Variants in ABHD14B observed in about 807,000 individuals in gnomAD.
The protein encoded by ABHD14B is putative protein-lysine deacylase ABHD14B.
ABHD14B carries 19 observed loss-of-function variants against 15.4 expected under a neutral mutation model. The observed-to-expected ratio is 1.23, with a 90% CI of 0.86 to 1.81. ABHD14B has a LOEUF of 1.81. Ranked by LOEUF, ABHD14B falls within the 40% of genes most tolerant of loss-of-function variation. ABHD14B has a pLI of 0.00. For synonymous variants in ABHD14B, 92 were observed against 117.3 expected (o/e 0.78, Z 1.39); for missense variants, 243 against 267.0 (o/e 0.91, Z 0.63).
At chr3:51,971,414 A>G (rs2106798520) in intron 2 of ABHD14B, 46 bp downstream of exon 2, 1 of 1,485,974 alleles carries the variant, frequency 6.7e-7, no homozygotes, top group South Asian at 1.4e-5. Flanking sequence ...CCCTGTCCCT[A>G]ATGAGACCTC....
chr3:51,974,140 A>G (rs1212664004), upstream of ABHD14B: 2 of 976,140 alleles, frequency 2.0e-6, no homozygotes, highest in Non-Finnish European at 2.7e-6. Context: ...AGACTCCGCT[A>G]AACTCGTTCT....
At chr3:51,973,870 G>A (rs911872470) in intron 1 of ABHD14B, 95 bp downstream of exon 1, 1 of 1,289,824 alleles carries the variant, frequency 7.8e-7, no homozygotes, top group South Asian at 1.2e-5. Flanking sequence ...AACTCCCAAG[G>A]AGGGGACCCA....
At chr3:51,970,497 G>A (rs1700634416) in intron 2 of ABHD14B, 4 of 583,110 alleles carry the variant, frequency 6.9e-6, no homozygotes, top group Admixed American at 4.4e-5. Flanking sequence ...CCTTGGGTAG[G>A]TCCCCCTCAG....
At chr3:51,971,737 ACC>A in intron 1 of ABHD14B, 39 bp from the exon 2 acceptor site, 3 of 1,568,588 alleles carry the variant, frequency 1.9e-6, no homozygotes, top group Non-Finnish European at 2.6e-6. Flanking sequence ...GCCACAGAAC[ACC>A]CTGCCCAGGG....
intron 1 of ABHD14B, chr3:51,973,724 G>A: frequency 1.3e-6 from 1 of 782,098 alleles, no homozygotes; most frequent in South Asian, 1.5e-5. Context: ...TGGGAAAGGC[G>A]ACCCGCCGGG....
At chr3:51,970,651 G>A (rs1233516858) in intron 2 of ABHD14B, 1 of 458,228 alleles carries the variant, frequency 2.2e-6, no homozygotes, top group Non-Finnish European at 4.4e-6. Context: ...GACAGCAGCT[G>A]AGGGGTCGGT....
chr3:51,974,105 G>A (rs755228328), upstream of ABHD14B: 49 of 1,216,946 alleles, frequency 4.0e-5, no homozygotes, highest in Non-Finnish European at 5.3e-5. Flanking sequence ...GCGCCCTCTT[G>A]TGGCCACAAG....
At chr3:51,970,863 G>A (rs369910153) in intron 2 of ABHD14B, 1 of 454,618 alleles carries the variant, frequency 2.2e-6, no homozygotes, top group African/African-American at 2.0e-5. Context: ...ACCGAGGGTT[G>A]GGACCCAGCC....
intron 1 of ABHD14B, chr3:51,973,692 A>G: frequency 4.4e-6 from 2 of 451,700 alleles, no homozygotes; most frequent in Non-Finnish European, 7.8e-6. Context: ...CATTTTCTAG[A>G]GGCGGAAACC....
In ABHD14B at chr3:51,969,323, A is replaced by T; in HGVS notation, c.*103T>A. 1 of 1,313,220 alleles carries T rather than the reference A, an allele frequency of 7.6e-7. No individual in the cohort carries two copies. The highest frequency in any genetic ancestry group is 1.1e-6 in the Non-Finnish European group (1 of 952,242). 81.3% of individuals were successfully genotyped at this position (1,313,220 alleles called of 1,614,324 possible). ...AGAACCCAGACATATAGACAGACGC[A>T]CCTGTTGCATGTGCATGAGCCAGAG... On this transcript the variant is annotated 3_prime_UTR_variant, in exon 4 of 4. Coordinates refer to ENST00000361143, the MANE Select transcript of ABHD14B (RefSeq NM_001146314.2).
At chr3:51,969,767 A>G (rs572006151) in intron 3 of ABHD14B, 162 bp from the exon 4 acceptor site, 25 of 1,405,048 alleles carry the variant, frequency 1.8e-5, no homozygotes, top group Non-Finnish European at 1.9e-5. Context: ...CCCAGAACAC[A>G]GTTTAGCACA....
intron 1 of ABHD14B, among the ~76,000 whole-genome samples, chr3:51,972,632 G>A (rs985635046): frequency 2.0e-5 from 3 of 152,246 alleles, no homozygotes; most frequent in Non-Finnish European, 1.5e-5. Flanking sequence ...ACCTCAATAT[G>A]TGGTGGGGCT....
Position 51,970,106 on chromosome 3 carries a change from A to G in ABHD14B, c.290T>C (p.Val97Ala), listed in dbSNP as rs1372280380. ...CGGGGGGCCCAGCTCCAAGGCATCC[A>G]CCACAGCCGCCAGGAAGCTGCCAGG... is the stretch of plus-strand genomic sequence containing the variant. The part of the protein sequence containing the change: ...LAPGSFLAAV[V>A]DALELGPPVV... Residue 97 changes from valine to alanine, a missense_variant, in exon 3 of 4, where the codon GTG (valine) becomes GCG (alanine). By Grantham distance (64) the Val-to-Ala change is moderately conservative. Coordinates refer to ENST00000361143, the MANE Select transcript of ABHD14B (RefSeq NM_001146314.2). 6.3e-7 allele frequency: 1 copy of G among 1,587,454 alleles called. No homozygotes were observed. The highest frequency in any genetic ancestry group is 2.2e-5 in the East Asian group (1 of 44,660).
At position 51,971,587 on chromosome 3, in the gene ABHD14B, A is replaced by G. The variant is rs752952171; in HGVS notation, c.84T>C (p.Ser28=). 1.4e-5 allele frequency: 22 copies of G among 1,613,372 alleles called. No homozygotes were observed. In the South Asian group the frequency reaches 1.8e-4, roughly 13 times the overall value. The change falls in exon 2 of 4, where the codon AGT becomes AGC. Residue 28 remains serine, a synonymous_variant. Coordinates refer to ENST00000361143, the MANE Select transcript of ABHD14B (RefSeq NM_001146314.2). ...ALFFREALPG[S]GQARFSVLLL... is the part of the protein sequence containing the mutation. ...GCAGTACAGAGAAGCGAGCCTGCCC[A>G]CTGCCGGGCAGGGCCTCTCGGAAGA...
chr3:51,972,016 G>A (rs551683299), intron 1 of ABHD14B: 182 of 224,630 alleles, frequency 8.1e-4, no homozygotes, highest in Middle Eastern at 1.9e-3. Context: ...AGGCCGAGGC[G>A]GGTGGATCAC....
In ABHD14B at chr3:51,969,943, C is replaced by A; in HGVS notation, c.453G>T (p.Lys151Asn). ...ACCTCAGCTTCCCACACAAGGGTACCTTCACACTGGCATAGTTGGCAGCAT... is the reference window on the plus strand; with the variant it reads ...ACCTCAGCTTCCCACACAAGGGTACATTCACACTGGCATAGTTGGCAGCAT... Reference protein sequence around the residue: ...KINAANYASVKTPALIVYGDQ... With the variant: ...KINAANYASVNTPALIVYGDQ... The change falls in exon 3 of 4, where the codon AAG becomes AAT. Residue 151 changes from lysine (K) to asparagine (N), a missense_variant and splice_region_variant. Physicochemically the swap from Lys to Asn is moderately conservative, Grantham distance 94. Transcript: ENST00000361143. The A allele has an allele frequency of 6.2e-7, 1 of 1,614,218 alleles. No individual in the cohort carries two copies. The highest frequency in any genetic ancestry group is 8.5e-7 in the Non-Finnish European group (1 of 1,180,036).
intron 2 of ABHD14B, 83 bp downstream of exon 2, chr3:51,971,377 G>T: frequency 7.2e-7 from 1 of 1,396,848 alleles, no homozygotes; most frequent in Non-Finnish European, 9.5e-7. Flanking sequence ...CTGGAGTGGG[G>T]AGGGGCTACA....
chr3:51,974,091 C>T (rs1374963940), upstream of ABHD14B: 9 of 1,264,860 alleles, frequency 7.1e-6, no homozygotes, highest in Non-Finnish European at 9.3e-6. Context: ...GGCCGTGCTC[C>T]GGGGCGCCCT....
At chr3:51,972,296 G>A (rs369193071) in intron 1 of ABHD14B, among the ~76,000 whole-genome samples, 2 of 114,672 alleles carry the variant, frequency 1.7e-5, no homozygotes, top group South Asian at 3.4e-4. Flanking sequence ...TAGGCCAGGC[G>A]CGGTGGCACA....
Sources: allele counts gnomAD v4.1 joint callset (sites outside exome capture counted in the v4.1 genomes callset), GRCh38; gene constraint gnomAD v4.1.1; transcripts MANE v1.5; gene names NCBI Gene and HGNC (gene_info 2026-07-23, HGNC 2026-07-21).